RALGDS: variants seen among roughly 807,000 people sequenced by gnomAD.
RALGDS encodes the protein ral guanine nucleotide dissociation stimulator, also known as ral guanine nucleotide exchange factor.
In RALGDS, 44 loss-of-function variants were observed where a neutral mutation model predicts 99.8. The ratio of observed to expected loss-of-function variants is 0.44; its 90% CI spans 0.35 to 0.57. The LOEUF (loss-of-function observed/expected upper bound fraction) is 0.57. Among genes scored for constraint, RALGDS ranks in the 20% least tolerant of loss-of-function variants. The probability of loss-of-function intolerance (pLI) is 0.01; values close to 1 mark genes in which losing one functional copy is unlikely to be tolerated. For synonymous variants in RALGDS, 529 were observed against 505.0 expected (o/e 1.05, Z -0.64); for missense variants, 1,022 against 1,203.1 (o/e 0.85, Z 2.23).
At chr9:133,123,753 GACACACAC>G (rs55647116), upstream of RALGDS, among the ~76,000 whole-genome samples, 2 of 58,618 alleles carry the variant, frequency 3.4e-5, no homozygotes, top group Middle Eastern at 8.6e-3. Flanking sequence ...CAGAGACACA[GACACACAC>G]ACACACACAG....
chr9:133,132,962 G>A (rs750743523), upstream of RALGDS, among the ~76,000 whole-genome samples: 2 of 152,182 alleles, frequency 1.3e-5, no homozygotes, highest in Non-Finnish European at 2.9e-5. Flanking sequence ...TCATAGTGGG[G>A]GTGGGGGACC....
At chr9:133,117,674 C>T (rs1479476612) in intron 1 of RALGDS, among the ~76,000 whole-genome samples, 1 of 152,258 alleles carries the variant, frequency 6.6e-6, no homozygotes, top group Non-Finnish European at 1.5e-5. Flanking sequence ...TCTGCTGTTG[C>T]TGTATATCTG....
At chr9:133,106,541 C>T in intron 8 of RALGDS, 104 bp downstream of exon 8, 7 of 868,372 alleles carry the variant, frequency 8.1e-6, no homozygotes, top group South Asian at 7.1e-5. Context: ...GTGAAGGGTC[C>T]CTGCCCTCAG....
At chr9:133,124,299 C>A (rs1025337115), upstream of RALGDS, among the ~76,000 whole-genome samples, 1 of 151,560 alleles carries the variant, frequency 6.6e-6, no homozygotes, top group Non-Finnish European at 1.5e-5. Context: ...CATTTAGAGA[C>A]GGAGACACAC....
intron 16 of RALGDS, chr9:133,101,026 C>G: frequency 9.4e-7 from 1 of 1,064,732 alleles, no homozygotes; most frequent in Non-Finnish European, 1.1e-6. Context: ...CCCAGGCAAA[C>G]CCATTCTGTG....
chr9:133,119,800 C>T (rs1224615346), intron 1 of RALGDS, among the ~76,000 whole-genome samples: 2 of 152,116 alleles, frequency 1.3e-5, no homozygotes, highest in African/African-American at 2.4e-5. Context: ...GTCTCTCAGG[C>T]GTGTGGTGTT....
At chr9:133,098,859 C>T (rs1830615518) in intron 17 of RALGDS, 97 bp from the exon 18 acceptor site, 1 of 1,249,626 alleles carries the variant, frequency 8.0e-7, no homozygotes, top group Non-Finnish European at 1.2e-6. Flanking sequence ...TGTCTTGAGC[C>T]ACAGACCTCA....
chr9:133,097,929 G>A lies in RALGDS; in HGVS notation c.*658C>T, dbSNP rs1322187970. On this transcript the variant is annotated 3_prime_UTR_variant, in exon 18 of 18. Coordinates refer to ENST00000372050, the MANE Select transcript of RALGDS (RefSeq NM_006266.4). Reference sequence around the variant, plus strand: ...GTCTCGTAAAGCCCAGGACGCAGTGGTGAATGGCACTTGCAGTGGCATGAG... The same window carrying A: ...GTCTCGTAAAGCCCAGGACGCAGTGATGAATGGCACTTGCAGTGGCATGAG... 1 of 234,064 alleles carries A rather than the reference G, an allele frequency of 4.3e-6. No individual in the cohort carries two copies. The highest frequency in any genetic ancestry group is 8.4e-6 in the Non-Finnish European group (1 of 118,660). The allele number at this position is 234,064 out of a possible 1,614,324, so 14.5% of individuals were successfully genotyped here.
intron 1 of RALGDS, among the ~76,000 whole-genome samples, chr9:133,127,805 C>G (rs151271054): frequency 4.6e-4 from 70 of 152,332 alleles, no homozygotes; most frequent in African/African-American, 1.5e-3. Flanking sequence ...AGCACCGAAC[C>G]ACTGAAATCT....
At chr9:133,111,583 T>C (rs1052816315) in intron 2 of RALGDS, among the ~76,000 whole-genome samples, 4 of 152,232 alleles carry the variant, frequency 2.6e-5, no homozygotes, top group African/African-American at 4.8e-5. Flanking sequence ...GCCTGGCTCC[T>C]GCAGCACTGT....
At chr9:133,146,087 T>C in intron 1 of RALGDS, among the ~76,000 whole-genome samples, 1 of 152,146 alleles carries the variant, frequency 6.6e-6, no homozygotes, top group East Asian at 1.9e-4. Context: ...CATGAACGGG[T>C]TGAAAATGAA....
upstream of RALGDS, among the ~76,000 whole-genome samples, chr9:133,122,632 T>G (rs1216478004): frequency 6.6e-6 from 1 of 152,228 alleles, no homozygotes. Flanking sequence ...TGCAGCTGGG[T>G]GGAAGCTCTA....
At chr9:133,118,958 A>G (rs989657614) in intron 1 of RALGDS, among the ~76,000 whole-genome samples, 2 of 152,164 alleles carry the variant, frequency 1.3e-5, no homozygotes, top group African/African-American at 4.8e-5. Flanking sequence ...GTGGCCCACA[A>G]CCTGCACTTT....
intron 1 of RALGDS, chr9:133,130,908 G>A: frequency 6.7e-7 from 1 of 1,491,404 alleles, no homozygotes; most frequent in Non-Finnish European, 9.0e-7. Flanking sequence ...GCCCAGAGAT[G>A]CCAGGGCGAA....
chr9:133,122,515 A>C (rs1404558984), upstream of RALGDS, among the ~76,000 whole-genome samples: 1 of 152,094 alleles, frequency 6.6e-6, no homozygotes, highest in Non-Finnish European at 1.5e-5. Flanking sequence ...CACCCACGAA[A>C]CACTTCCACT....
chr9:133,121,520 C>G (rs1032747255), upstream of RALGDS, among the ~76,000 whole-genome samples: 5 of 152,154 alleles, frequency 3.3e-5, no homozygotes, highest in South Asian at 1.0e-3. Flanking sequence ...TTGGGTACCC[C>G]GGTTAGGCAC....
In RALGDS at chr9:133,144,921, T is replaced by A. The variant is rs1456330039; in HGVS notation, c.18+4042A>T. ...GTGGGCCTTAATCCAATGACTGCTA[T>A]CCTTATGATAACAGGGAAAATTGGA... On this transcript the variant is annotated intron_variant, in intron 1 of 17. Transcript: ENST00000393160. This position sits in a 1 kb window ranked among gnomAD's most constrained non-coding sequence, Gnocchi z 4.5. Among the ~76,000 whole-genome samples, 1 of 152,200 alleles carries A rather than the reference T, an allele frequency of 6.6e-6. No individual in the cohort carries two copies. The highest frequency in any genetic ancestry group is 2.4e-5 in the African/African-American group (1 of 41,434).
intron 3 of RALGDS, 141 bp from the exon 4 acceptor site, chr9:133,109,862 A>G (rs1259856093): frequency 1.4e-6 from 1 of 715,342 alleles, no homozygotes. Flanking sequence ...GGTGCTTCAT[A>G]TATATTTGTT....
At chr9:133,110,153 G>C in intron 3 of RALGDS, 143 bp downstream of exon 3, 1 of 864,276 alleles carries the variant, frequency 1.2e-6, no homozygotes, top group Non-Finnish European at 1.8e-6. Context: ...AACCCCATGA[G>C]GTCCTCTTAG....
Sources: allele counts gnomAD v4.1 joint callset (sites outside exome capture counted in the v4.1 genomes callset), GRCh38; gene constraint gnomAD v4.1.1; non-coding constraint Gnocchi (gnomAD v3.1); transcripts MANE v1.5; gene names NCBI Gene and HGNC (gene_info 2026-07-23, HGNC 2026-07-21).